Variants in XIAP observed in about 807,000 individuals in gnomAD.
XIAP encodes the protein X-linked inhibitor of apoptosis.
A neutral mutation model predicts 33.1 loss-of-function variants in XIAP; 3 were observed. The ratio of observed to expected loss-of-function variants is 0.09; its 90% CI spans 0.04 to 0.23. XIAP has a LOEUF of 0.23. Ranked by LOEUF, XIAP falls within the 10% of genes least tolerant of loss-of-function variation. The pLI, the probability that XIAP is intolerant of heterozygous loss-of-function variation, is 1.00. For synonymous variants in XIAP, 98 were observed against 121.3 expected, an observed-to-expected ratio of 0.81 and a Z score of 1.26; for missense variants, 264 against 363.0, an observed-to-expected ratio of 0.73 and a Z score of 2.22.
At position 123,907,273 on chromosome X, in the gene XIAP, A is replaced by C. The variant is rs781285534; in HGVS notation, c.*92A>C. 5 of 840,851 alleles carry C rather than the reference A, an allele frequency of 5.9e-6. No homozygotes were observed. The highest frequency in any genetic ancestry group is 8.7e-6 in the Non-Finnish European group (5 of 573,428). 69.3% of individuals were successfully genotyped at this position (840,851 alleles called of 1,213,427 possible). On this transcript the variant is annotated 3_prime_UTR_variant, in exon 7 of 7. Coordinates refer to ENST00000371199, the MANE Select transcript of XIAP (RefSeq NM_001167.4). ...CTTTAAGTAATCAGGATTGAATTCC[A>C]TTAGCATTTGCTACCAAGTAGGAAA...
At chrX:123,872,952 C>T (rs2053208000) in intron 1 of XIAP, 1 of 111,378 alleles carries the variant, frequency 9.0e-6, no homozygotes, top group Non-Finnish European at 1.9e-5. Flanking sequence ...ACTCTGCTTC[C>T]CAGGCTCAGG....
intron 1 of XIAP, among the ~76,000 whole-genome samples, chrX:123,867,076 G>GTTT (rs139190557): frequency 1.7e-4 from 10 of 59,705 alleles, no homozygotes; most frequent in Non-Finnish European, 8.6e-5. Flanking sequence ...TAACATTTCT[G>GTTT]TTTTTTTTTT....
At position 123,867,294 on chromosome X, in the gene XIAP, C is replaced by T. The variant is rs184774996; in HGVS notation, c.-33+7001C>T. Reference sequence around the variant, plus strand: ...CACCATGGTCTCCATCTCCTGACCTCGTGATTAGCCCGCCTCAGCCTCCCA... The same window carrying T: ...CACCATGGTCTCCATCTCCTGACCTTGTGATTAGCCCGCCTCAGCCTCCCA... On this transcript the variant is annotated intron_variant, in intron 1 of 6. Transcript: ENST00000371199. 4.8e-3 allele frequency among the ~76,000 whole-genome samples: 496 copies of T among 103,206 alleles called. 1 individual carries two copies. Among genetic ancestry groups the T allele is most frequent in the Non-Finnish European group, 7.5e-3 (378 of 50,416 alleles). 89.6% of individuals were successfully genotyped at this position (103,206 alleles called of 115,157 possible). A position where few individuals can be genotyped will look rare whatever the true frequency, so the allele number is the denominator to read the frequency against.
At chrX:123,894,577 C>G (rs1022457140) in intron 5 of XIAP, among the ~76,000 whole-genome samples, 1 of 110,417 alleles carries the variant, frequency 9.1e-6, no homozygotes, top group African/African-American at 3.3e-5. Flanking sequence ...CAGACCAGCC[C>G]GGCCAACATG....
At chrX:123,901,722 A>C (rs768393490) in intron 6 of XIAP, among the ~76,000 whole-genome samples, 2 of 112,071 alleles carry the variant, frequency 1.8e-5, no homozygotes, top group East Asian at 5.6e-4. Context: ...GAATCAATGG[A>C]AAGCTTCCAA....
At chrX:123,891,470 A>T (rs978501121) in intron 4 of XIAP, among the ~76,000 whole-genome samples, 154 bp downstream of exon 4, 28 of 112,030 alleles carry the variant, frequency 2.5e-4, no homozygotes, top group African/African-American at 8.1e-4. Context: ...TGTACATTAC[A>T]TCAAAACACA....
chrX:123,889,336 C>A (rs1054533272), intron 3 of XIAP, among the ~76,000 whole-genome samples: 5 of 108,449 alleles, frequency 4.6e-5, no homozygotes, highest in Non-Finnish European at 9.6e-5. Flanking sequence ...GTGATCCGCC[C>A]GCCTCGGCCT....
chrX:123,868,093 T>C (rs1159285835), intron 1 of XIAP, among the ~76,000 whole-genome samples: 1 of 111,560 alleles, frequency 9.0e-6, no homozygotes, highest in Non-Finnish European at 1.9e-5. Flanking sequence ...CCCAGCACTT[T>C]GGGAGGCTGA....
At chrX:123,900,956 A>G (rs1346686837) in intron 6 of XIAP, among the ~76,000 whole-genome samples, 2 of 111,422 alleles carry the variant, frequency 1.8e-5, no homozygotes, top group African/African-American at 3.3e-5. Flanking sequence ...CCCTCTTCCT[A>G]CCTTGCAGAT....
chrX:123,869,362 C>CAAAAAAAAAAAAAA lies in XIAP; in HGVS notation c.-33+9078_-33+9091dup, dbSNP rs57436822. ...AAACCCCATCTCTACTAAAAAAATA[C>CAAAAAAAAAAAAAA]AAAAAAAAAAAAAAAAAAAAAAGCT... is the stretch of plus-strand genomic sequence containing the variant. On this transcript the variant is annotated intron_variant, in intron 1 of 6. Transcript: ENST00000371199. 2.4e-3 allele frequency among the ~76,000 whole-genome samples: 70 copies of CAAAAAAAAAAAAAA among 29,675 alleles called. 4 individuals carry two copies. The highest frequency in any genetic ancestry group is 8.7e-3 in the African/African-American group (58 of 6,649). The allele number at this position is 29,675 out of a possible 115,157, so 25.8% of individuals were successfully genotyped here.
At chrX:123,903,635 TG>T (rs375335729) in intron 6 of XIAP, among the ~76,000 whole-genome samples, 22,947 of 68,975 alleles carry the variant, frequency 0.33, 2,979 homozygotes, top group African/African-American at 0.38. Context: ...TTTTTTGTTT[TG>T]TTTTTTGTTT....
At chrX:123,869,601 G>T (rs953401871) in intron 1 of XIAP, among the ~76,000 whole-genome samples, 1 of 110,394 alleles carries the variant, frequency 9.1e-6, no homozygotes, top group Non-Finnish European at 1.9e-5. Flanking sequence ...TATGGTTCTA[G>T]CTAATTTTTT....
At chrX:123,865,723 C>T (rs1055720777) in intron 1 of XIAP, among the ~76,000 whole-genome samples, 2 of 109,374 alleles carry the variant, frequency 1.8e-5, no homozygotes, top group African/African-American at 3.3e-5. Flanking sequence ...GACTCCGACT[C>T]AAAAAAAATA....
chrX:123,906,906 G>A (rs1054872596), intron 6 of XIAP, 82 bp from the exon 7 acceptor site: 3 of 1,121,727 alleles, frequency 2.7e-6, no homozygotes, highest in Non-Finnish European at 3.7e-6. Flanking sequence ...TTGGCACGTA[G>A]TAGGGGCTCA....
At chrX:123,892,916 G>T (rs995538652) in intron 5 of XIAP, 143 bp downstream of exon 5, 3 of 500,716 alleles carry the variant, frequency 6.0e-6, no homozygotes, top group Non-Finnish European at 9.9e-6. Context: ...TGCCTCCCGG[G>T]TTCAACCGAT....
At chrX:123,906,379 G>A (rs1017387452) in intron 6 of XIAP, among the ~76,000 whole-genome samples, 13 of 111,502 alleles carry the variant, frequency 1.2e-4, no homozygotes, top group Non-Finnish European at 2.3e-4. Flanking sequence ...TCCCAAACCT[G>A]TACCTCCTTT....
intron 3 of XIAP, among the ~76,000 whole-genome samples, chrX:123,889,997 A>AATTTTTTTTT: frequency 3.0e-5 from 1 of 33,072 alleles, no homozygotes; most frequent in South Asian, 2.7e-3. Flanking sequence ...AGTTGTTCAC[A>AATTTTTTTTT]TTTTTTTTTT....
intron 1 of XIAP, among the ~76,000 whole-genome samples, chrX:123,877,982 AAAAAGAATTT>A (rs1051951947): frequency 2.3e-5 from 2 of 85,350 alleles, no homozygotes; most frequent in Non-Finnish European, 4.7e-5. Context: ...AAAAAAAAAA[AAAAAGAATTT>A]AAAGAATATA....
At chrX:123,889,989 T>C (rs1291293731) in intron 3 of XIAP, among the ~76,000 whole-genome samples, 1 of 97,161 alleles carries the variant, frequency 1.0e-5, no homozygotes, top group African/African-American at 3.7e-5. Flanking sequence ...TGACATACAG[T>C]TGTTCACATT....
Sources: gnomAD v4.1 joint callset for allele counts (sites outside exome capture counted in the v4.1 genomes callset) on GRCh38, gnomAD v4.1.1 for gene constraint, MANE v1.5 for transcripts, NCBI Gene and HGNC (gene_info 2026-07-23, HGNC 2026-07-21) for gene names.